Variants in ATP6V1A observed in about 807,000 individuals in gnomAD.
ATP6V1A encodes ATPase H+ transporting V1 subunit A, also known as V-type proton ATPase catalytic subunit A.
Under a neutral mutation model 70.1 loss-of-function variants are expected in ATP6V1A, and 18 were observed. The ratio of observed to expected loss-of-function variants is 0.26; its 90% CI spans 0.18 to 0.38. ATP6V1A has a LOEUF of 0.38. Among genes scored for constraint, ATP6V1A ranks in the 10% least tolerant of loss-of-function variants. The pLI is 1.00. For missense variants in ATP6V1A, 424 were observed against 772.4 expected, an observed-to-expected ratio of 0.55 and a Z score of 5.35; for synonymous variants, 232 against 253.8, an observed-to-expected ratio of 0.91 and a Z score of 0.82.
chr3:113,806,625 A>G (rs1709278996), intron 14 of ATP6V1A, among the ~76,000 whole-genome samples: 1 of 151,704 alleles, frequency 6.6e-6, no homozygotes, highest in South Asian at 2.1e-4. Flanking sequence ...CGCCCAGCTA[A>G]TTTTTTGTAT....
intron 1 of ATP6V1A, among the ~76,000 whole-genome samples, chr3:113,757,417 C>T (rs925527366): frequency 6.6e-6 from 1 of 152,174 alleles, no homozygotes; most frequent in East Asian, 1.9e-4. Context: ...TCCAAATGAG[C>T]CATTGAGCCA....
At chr3:113,771,761 T>C (rs1708843874) in intron 1 of ATP6V1A, among the ~76,000 whole-genome samples, 2 of 152,156 alleles carry the variant, frequency 1.3e-5, no homozygotes, top group South Asian at 4.1e-4. Context: ...GTTTTTTCAG[T>C]TTCTTATTTT....
chr3:113,756,223 CTA>C (rs1409719908), intron 1 of ATP6V1A, among the ~76,000 whole-genome samples: 2 of 152,152 alleles, frequency 1.3e-5, no homozygotes, highest in African/African-American at 2.4e-5. Flanking sequence ...CATAATACCG[CTA>C]AACATGTAGC....
chr3:113,791,261 A>G (rs1287323292), intron 8 of ATP6V1A, among the ~76,000 whole-genome samples: 2 of 151,726 alleles, frequency 1.3e-5, no homozygotes, highest in East Asian at 3.9e-4. Context: ...GATAAATGGT[A>G]TTTATTCTTT....
chr3:113,775,240 T>G (rs897988127), intron 1 of ATP6V1A, among the ~76,000 whole-genome samples: 3 of 151,970 alleles, frequency 2.0e-5, no homozygotes, highest in Non-Finnish European at 2.9e-5. Flanking sequence ...TTTTTTTTTT[T>G]TTTTTTGAGA....
Position 113,798,341 on chromosome 3 carries a change from A to G in ATP6V1A, c.1389A>G (p.Glu463=). 6.2e-7 allele frequency: 1 copy of G among 1,614,018 alleles called. No homozygotes were observed. Among genetic ancestry groups the G allele is most frequent in the Non-Finnish European group, 8.5e-7 (1 of 1,179,974 alleles). The change falls in exon 12 of 15, where the codon GAA becomes GAG. Residue 463 remains glutamate, a synonymous_variant. Coordinates refer to ENST00000273398, the MANE Select transcript of ATP6V1A (RefSeq NM_001690.4). ...GCAAGTATATGCGTGCCTTGGATGA[A>G]TACTATGACAAACACTTCACAGAGT... is the stretch of plus-strand genomic sequence containing the variant. The part of the protein sequence containing the change: ...SYSKYMRALD[E]YYDKHFTEFV...
intron 1 of ATP6V1A, among the ~76,000 whole-genome samples, chr3:113,770,265 G>T (rs1297761433): frequency 6.6e-6 from 1 of 152,120 alleles, no homozygotes; most frequent in Non-Finnish European, 1.5e-5. Context: ...GGCCAGGCTG[G>T]TCTTGAACTC....
chr3:113,781,057 A>G lies in ATP6V1A; in HGVS notation c.90A>G (p.Thr30=). The change falls in exon 3 of 15, where the codon ACA becomes ACG. Residue 30 remains threonine, a synonymous_variant. Transcript: ENST00000273398. ...GTCTTTTGTTCTCTTCAGTGGTTAC[A>G]GCCTGTGACATGGCGGGTGCAGCCA... ...YVHGVSGPVV[T]ACDMAGAAMY... 2 of 1,607,310 alleles carry G rather than the reference A, an allele frequency of 1.2e-6. No homozygotes were observed. The highest frequency in any genetic ancestry group is 1.7e-6 in the Non-Finnish European group (2 of 1,177,754).
At chr3:113,782,587 C>CATATAT (rs527941453) in intron 3 of ATP6V1A, among the ~76,000 whole-genome samples, 9 of 140,618 alleles carry the variant, frequency 6.4e-5, no homozygotes, top group African/African-American at 2.1e-4. Context: ...TATATATACA[C>CATATAT]ATATATATAT....
At chr3:113,797,413 C>T (rs748881764) in intron 11 of ATP6V1A, among the ~76,000 whole-genome samples, 12 of 151,462 alleles carry the variant, frequency 7.9e-5, no homozygotes, top group Non-Finnish European at 1.5e-4. Flanking sequence ...GCCACCACCA[C>T]GCCCGGATAA....
intron 1 of ATP6V1A, among the ~76,000 whole-genome samples, chr3:113,753,083 A>G (rs1344988595): frequency 6.6e-6 from 1 of 152,182 alleles, no homozygotes. Flanking sequence ...AGATATATGT[A>G]ACAGATGAGT....
chr3:113,789,847 A>G lies in ATP6V1A; in HGVS notation c.988+7A>G. 1 of 1,568,466 alleles carries G rather than the reference A, an allele frequency of 6.4e-7. No individual in the cohort carries two copies. Among genetic ancestry groups the G allele is most frequent in the Middle Eastern group, 1.7e-4 (1 of 5,968 alleles). On this transcript the variant is annotated splice_region_variant and intron_variant, in intron 8 of 14. Transcript: ENST00000273398. ...GAAGCCTCTATTTATACTGGTGAGT[A>G]TATAATTGGAATAAAAGCAGTTAAC...
chr3:113,772,933 CT>C lies in ATP6V1A; in HGVS notation c.-13-5786del, dbSNP rs762901487. Among the ~76,000 whole-genome samples the C allele has an allele frequency of 9.6e-3, 866 of 90,368 alleles. 1 individual carries two copies. Among genetic ancestry groups the C allele is most frequent in the African/African-American group, 0.023 (507 of 22,292 alleles). The allele number at this position is 90,368 out of a possible 152,430, so 59.3% of individuals were successfully genotyped here. On this transcript the variant is annotated intron_variant, in intron 1 of 14. Transcript: ENST00000273398. ...CATTTTTTTCTCCACTTAATATTGG[CT>C]TTTTTTTTTTTTTTTTTTTTTGAGA...
Position 113,809,503 on chromosome 3 carries a change from C to A in ATP6V1A, c.*76C>A. ...GTGTATATTTTCCTGAATTTCTCAT[C>A]TCAAACCCTTTGCTTCTTTATTGTG... is the stretch of plus-strand genomic sequence containing the variant. On this transcript the variant is annotated 3_prime_UTR_variant, in exon 15 of 15. Coordinates refer to ENST00000273398, the MANE Select transcript of ATP6V1A (RefSeq NM_001690.4). The A allele has an allele frequency of 7.5e-7, 1 of 1,330,552 alleles. No homozygotes were observed. Among genetic ancestry groups the A allele is most frequent in the Non-Finnish European group, 1.1e-6 (1 of 947,572 alleles). 82.4% of individuals were successfully genotyped at this position (1,330,552 alleles called of 1,614,324 possible). A position where few individuals can be genotyped will look rare whatever the true frequency, so the allele number is the denominator to read the frequency against.
chr3:113,776,521 A>G (rs574301849), intron 1 of ATP6V1A, among the ~76,000 whole-genome samples: 2 of 152,212 alleles, frequency 1.3e-5, no homozygotes, highest in African/African-American at 2.4e-5. Flanking sequence ...TTGTTTTGCT[A>G]TATAGCTATT....
intron 1 of ATP6V1A, among the ~76,000 whole-genome samples, chr3:113,757,038 A>G (rs897171862): frequency 2.6e-5 from 4 of 152,244 alleles, no homozygotes; most frequent in East Asian, 1.9e-4. Context: ...TCAGTGCCCA[A>G]TATTTCACTT....
At chr3:113,786,978 C>T (rs1398832612) in intron 6 of ATP6V1A, among the ~76,000 whole-genome samples, 1 of 152,056 alleles carries the variant, frequency 6.6e-6, no homozygotes, top group African/African-American at 2.4e-5. Context: ...CCGGGTTTGA[C>T]TATGTTGCCT....
chr3:113,771,294 A>G lies in ATP6V1A; in HGVS notation c.-13-7447A>G, dbSNP rs112887440. Among the ~76,000 whole-genome samples the G allele has an allele frequency of 8.5e-5, 13 of 152,270 alleles. 2 individuals carry two copies. Among genetic ancestry groups the G allele is most frequent in the African/African-American group, 3.1e-4 (13 of 41,560 alleles). The stretch of plus-strand genomic sequence containing the variant: ...GATAATAAAGAAGAGTTATAAACAA[A>G]TTAGTATGTTGTATGACCATGCTTA... On this transcript the variant is annotated intron_variant, in intron 1 of 14. Transcript: ENST00000273398.
At chr3:113,786,115 C>T (rs1577090524) in intron 5 of ATP6V1A, 117 bp from the exon 6 acceptor site, 2 of 739,264 alleles carry the variant, frequency 2.7e-6, no homozygotes, top group Non-Finnish European at 4.0e-6. Context: ...GTATAAATCT[C>T]CCTTTGCACT....
Sources: allele counts gnomAD v4.1 joint callset (sites outside exome capture counted in the v4.1 genomes callset), GRCh38; gene constraint gnomAD v4.1.1; transcripts MANE v1.5; gene names NCBI Gene and HGNC (gene_info 2026-07-23, HGNC 2026-07-21).